The following CWC27 variants were observed in gnomAD, a reference collection of about 807,000 sequenced individuals.
CWC27 encodes spliceosome-associated protein CWC27 homolog.
Under a neutral mutation model 63.6 loss-of-function variants are expected in CWC27, and 47 were observed. That is an observed-to-expected ratio of 0.74 (90% CI 0.58 to 0.94). The LOEUF is 0.94. CWC27 is among the 40% of genes least tolerant of loss of function. The pLI is 0.00. For synonymous variants in CWC27, 175 were observed against 179.8 expected, an observed-to-expected ratio of 0.97 and a Z score of 0.22; for missense variants, 495 against 554.3, an observed-to-expected ratio of 0.89 and a Z score of 1.07.
At chr5:64,807,904 C>G in intron 10 of CWC27, 3 of 1,440,798 alleles carry the variant, frequency 2.1e-6, no homozygotes, top group Non-Finnish European at 2.7e-6. Flanking sequence ...TACCTCCTTC[C>G]TATTTATTTC....
chr5:64,773,814 C>A (rs372809314), intron 1 of CWC27: 7 of 152,126 alleles, frequency 4.6e-5, no homozygotes, highest in African/African-American at 1.7e-4. Context: ...GTTCTAGTTG[C>A]AAAGTTTCTG....
intron 10 of CWC27, among the ~76,000 whole-genome samples, chr5:64,853,037 A>G (rs1044178717): frequency 1.3e-5 from 2 of 152,150 alleles, no homozygotes; most frequent in Non-Finnish European, 2.9e-5. Flanking sequence ...CTTACATTGA[A>G]AAGTATTCAC....
intron 11 of CWC27, among the ~76,000 whole-genome samples, chr5:64,891,868 C>T (rs1747247682): frequency 6.6e-6 from 1 of 151,938 alleles, no homozygotes; most frequent in Non-Finnish European, 1.5e-5. Flanking sequence ...GATCTCAGCT[C>T]ACTGCAACCT....
intron 13 of CWC27, among the ~76,000 whole-genome samples, chr5:64,983,719 G>A (rs191241169): frequency 3.3e-5 from 5 of 152,242 alleles, no homozygotes; most frequent in Admixed American, 3.3e-4. Context: ...ACCCTTTTCT[G>A]GTCCTTAACT....
chr5:64,835,781 C>T (rs1417830112), intron 10 of CWC27, among the ~76,000 whole-genome samples: 1 of 151,652 alleles, frequency 6.6e-6, no homozygotes, highest in Non-Finnish European at 1.5e-5. Flanking sequence ...TTTATATCTT[C>T]ATGTTTTATA....
At chr5:64,769,622 T>A (rs1233535630) in intron 1 of CWC27, among the ~76,000 whole-genome samples, 1 of 152,188 alleles carries the variant, frequency 6.6e-6, no homozygotes, top group East Asian at 1.9e-4. Flanking sequence ...AGGTAGTTGT[T>A]TTCCCGGAAA....
intron 13 of CWC27, among the ~76,000 whole-genome samples, chr5:65,004,168 G>C (rs1193573604): frequency 6.6e-6 from 1 of 152,084 alleles, no homozygotes; most frequent in African/African-American, 2.4e-5. Context: ...TTGACAGTTT[G>C]ATTATAATGT....
At position 64,900,811 on chromosome 5, in the gene CWC27, T is replaced by C. The variant is rs1747485535; in HGVS notation, c.1042+15265T>C. On this transcript the variant is annotated intron_variant, in intron 11 of 13. Coordinates refer to ENST00000381070, the MANE Select transcript of CWC27 (RefSeq NM_005869.4). The stretch of plus-strand genomic sequence containing the variant: ...TGATTTTATCGTTGTGTAAACACCA[T>C]GTGAGTGTTCTTACACAAAGCTTAC... Among the ~76,000 whole-genome samples the C allele has an allele frequency of 2.6e-5, 4 of 152,204 alleles. No individual in the cohort carries two copies. The South Asian group carries it at 6.2e-4, about 24-fold the overall frequency.
chr5:64,833,810 C>T (rs1745590024), intron 10 of CWC27, among the ~76,000 whole-genome samples: 2 of 151,592 alleles, frequency 1.3e-5, no homozygotes, highest in Admixed American at 6.6e-5. Context: ...TTAAGTTAGA[C>T]CCATCATTTA....
chr5:64,949,064 C>T (rs1198455141), intron 11 of CWC27, among the ~76,000 whole-genome samples: 1 of 151,886 alleles, frequency 6.6e-6, no homozygotes, highest in East Asian at 1.9e-4. Flanking sequence ...TTAAATCTCA[C>T]TTAAGAGCTT....
chr5:64,829,361 C>T (rs1197529956), intron 10 of CWC27, among the ~76,000 whole-genome samples: 2 of 152,000 alleles, frequency 1.3e-5, no homozygotes, highest in African/African-American at 4.8e-5. Flanking sequence ...TAAAATTTCC[C>T]TCCAGAAACA....
chr5:64,917,217 C>T (rs923014634), intron 11 of CWC27, among the ~76,000 whole-genome samples: 10 of 152,140 alleles, frequency 6.6e-5, no homozygotes, highest in Non-Finnish European at 2.9e-5. Flanking sequence ...ACTACTTCTA[C>T]ACGTGTTCTT....
chr5:65,011,575 G>A (rs1452303522), intron 13 of CWC27, among the ~76,000 whole-genome samples: 2 of 152,244 alleles, frequency 1.3e-5, no homozygotes, highest in African/African-American at 4.8e-5. Flanking sequence ...GTAACAGGCT[G>A]GAGAGGGAAG....
chr5:64,815,000 A>G (rs544433983), intron 10 of CWC27, among the ~76,000 whole-genome samples: 135 of 152,176 alleles, frequency 8.9e-4, no homozygotes, highest in African/African-American at 3.2e-3. Context: ...TATATTCCAG[A>G]TGACTCCTAG....
chr5:64,961,743 A>G (rs1018521741), intron 11 of CWC27, among the ~76,000 whole-genome samples: 1 of 152,166 alleles, frequency 6.6e-6, no homozygotes, highest in Non-Finnish European at 1.5e-5. Context: ...TATCATACAT[A>G]CCTCAGCTCA....
At chr5:64,923,624 C>T (rs1748044255) in intron 11 of CWC27, among the ~76,000 whole-genome samples, 1 of 143,846 alleles carries the variant, frequency 7.0e-6, no homozygotes. Flanking sequence ...AGTCGGCCGT[C>T]TTTGTTCTAT....
At chr5:65,013,099 A>G (rs1749990612) in intron 13 of CWC27, among the ~76,000 whole-genome samples, 1 of 152,246 alleles carries the variant, frequency 6.6e-6, no homozygotes, top group African/African-American at 2.4e-5. Context: ...CTAGTTCTAC[A>G]TCAGGTGCTA....
intron 10 of CWC27, among the ~76,000 whole-genome samples, chr5:64,877,600 T>C (rs1370915520): frequency 2.0e-5 from 3 of 152,000 alleles, no homozygotes; most frequent in African/African-American, 7.2e-5. Context: ...CTTGAGGTGA[T>C]AGATACCCTT....
At chr5:64,869,744 A>C (rs926723551) in intron 10 of CWC27, among the ~76,000 whole-genome samples, 1 of 152,084 alleles carries the variant, frequency 6.6e-6, no homozygotes, top group African/African-American at 2.4e-5. Flanking sequence ...AGAAACACAG[A>C]TGATGACCCC....
Sources: gnomAD v4.1 joint callset for allele counts (sites outside exome capture counted in the v4.1 genomes callset) on GRCh38, gnomAD v4.1.1 for gene constraint, MANE v1.5 for transcripts, NCBI Gene and HGNC (gene_info 2026-07-23, HGNC 2026-07-21) for gene names.